Variants in DRC3 observed in about 807,000 individuals in gnomAD.
DRC3 encodes the protein leucine rich repeat containing 48.
In DRC3, 45 loss-of-function variants were observed where a neutral mutation model predicts 57.6. The observed-to-expected ratio is 0.78, with a 90% confidence interval of 0.62 to 1.00. The LOEUF (loss-of-function observed/expected upper bound fraction) is 1.00. DRC3 is among the 50% of genes least tolerant of loss of function. DRC3 has a pLI of 0.00. For synonymous variants in DRC3, 257 were observed against 272.3 expected (o/e 0.94, Z 0.55); for missense variants, 655 against 675.2 (o/e 0.97, Z 0.33).
intron 3 of DRC3, among the ~76,000 whole-genome samples, chr17:17,979,475 G>A (rs954132159): frequency 1.3e-5 from 2 of 152,240 alleles, no homozygotes; most frequent in African/African-American, 4.8e-5. Context: ...CCACAGGCCT[G>A]GCCGAGGTGG....
rs78467765 is a variant in DRC3, at chr17:18,016,025, T to C, written c.1327-39T>C. 219 of 1,608,862 alleles carry C rather than the reference T, an allele frequency of 1.4e-4. 1 individual carries two copies. In the East Asian group the frequency reaches 3.1e-3, roughly 23 times the overall value. ...AGCTCCCTTTGTGTTCACGGTATAA[T>C]GACACACACTTTCTCATTGGATTCT... On this transcript the variant is annotated intron_variant, in intron 12 of 13. Transcript: ENST00000399187.
intron 9 of DRC3, among the ~76,000 whole-genome samples, chr17:17,997,915 C>A (rs1402341254): frequency 1.3e-5 from 2 of 152,178 alleles, no homozygotes; most frequent in Non-Finnish European, 2.9e-5. Flanking sequence ...GGCCCTACCC[C>A]CCAACTTATC....
chr17:18,011,352 T>C (rs2044161306), intron 12 of DRC3: 1 of 345,070 alleles, frequency 2.9e-6, no homozygotes, highest in Non-Finnish European at 5.6e-6. Flanking sequence ...GGGATTACAA[T>C]GGCCGTGTCA....
At chr17:17,999,212 G>C (rs541096397) in intron 9 of DRC3, among the ~76,000 whole-genome samples, 2 of 152,200 alleles carry the variant, frequency 1.3e-5, no homozygotes, top group Non-Finnish European at 2.9e-5. Flanking sequence ...CCTCCGTTCA[G>C]GCACCTGCCT....
At chr17:18,004,132 CT>C (rs2043858955) in intron 9 of DRC3, among the ~76,000 whole-genome samples, 2 of 152,098 alleles carry the variant, frequency 1.3e-5, no homozygotes, top group Admixed American at 1.3e-4. Flanking sequence ...TGTTCTCTCA[CT>C]TGTGTCAAGG....
chr17:18,002,914 A>G (rs938689725), intron 9 of DRC3, among the ~76,000 whole-genome samples: 1 of 152,206 alleles, frequency 6.6e-6, no homozygotes, highest in Non-Finnish European at 1.5e-5. Context: ...TTAAACTGAC[A>G]TAAGACAAAC....
At chr17:17,994,697 ACCCTTAAGG>A (rs1209798418) in intron 7 of DRC3, among the ~76,000 whole-genome samples, 1 of 151,912 alleles carries the variant, frequency 6.6e-6, no homozygotes. Context: ...GCCCCTTAAG[ACCCTTAAGG>A]CAGTTCCCCA....
chr17:17,997,656 G>A (rs1278492202), intron 9 of DRC3, 22 bp downstream of exon 9: 1 of 1,567,372 alleles, frequency 6.4e-7, no homozygotes, highest in South Asian at 1.2e-5. Flanking sequence ...GCCTCCTGAG[G>A]CCCTCCCTGT....
In DRC3 at chr17:18,016,768, T is replaced by C; in HGVS notation, c.*97T>C. ...CTCACCCGCACCTCTAGAGAGTTGC[T>C]GGGCATCTCTCAACCGCGATCCCCA... On this transcript the variant is annotated 3_prime_UTR_variant, in exon 14 of 14. Transcript: ENST00000399187. 1.5e-6 allele frequency: 1 copy of C among 675,678 alleles called. No homozygotes were observed. 41.9% of individuals were successfully genotyped at this position (675,678 alleles called of 1,614,324 possible).
rs753959068 is a variant in DRC3 at position 17,977,727 on chromosome 17, G to C, written c.129G>C (p.Lys43Asn). The change falls in exon 3 of 14, where the codon AAG (lysine) becomes AAC (asparagine). Residue 43 changes from lysine to asparagine, a missense_variant. Physicochemically the swap from Lys to Asn is moderately conservative, Grantham distance 94. Coordinates refer to ENST00000399187, the MANE Select transcript of DRC3 (RefSeq NM_031294.4). Reference protein sequence around the residue: ...QLAKQEGILFKDVLSLQLDFR... With the variant: ...QLAKQEGILFNDVLSLQLDFR... The stretch of plus-strand genomic sequence containing the variant: ...CCAAGCAGGAGGGCATCCTCTTCAA[G>C]GATGTCCTGTCCCTGCAGCTGGACT... The C allele has an allele frequency of 7.4e-6, 12 of 1,612,080 alleles. No individual in the cohort carries two copies. The highest frequency in any genetic ancestry group is 1.0e-5 in the Non-Finnish European group (12 of 1,178,946).
chr17:18,008,072 GC>G lies in DRC3; in HGVS notation c.1326+928del, dbSNP rs1366081679. On this transcript the variant is annotated intron_variant, in intron 12 of 13. Coordinates refer to ENST00000399187, the MANE Select transcript of DRC3 (RefSeq NM_031294.4). This position sits in a 1 kb window ranked among gnomAD's most constrained non-coding sequence, Gnocchi z 4.3. ...TCCCCCAGACCCTCGGGCTGACCCT[GC>G]CCATCTGGGCGATTCCCACCCCCAG... The G allele has an allele frequency of 1.3e-5, 2 of 157,438 alleles. No homozygotes were observed. The highest frequency in any genetic ancestry group is 4.8e-5 in the African/African-American group (2 of 41,532). 9.8% of individuals were successfully genotyped at this position (157,438 alleles called of 1,614,324 possible).
At chr17:17,975,633 T>C (rs2042352441) in intron 2 of DRC3, among the ~76,000 whole-genome samples, 1 of 150,890 alleles carries the variant, frequency 6.6e-6, no homozygotes, top group Non-Finnish European at 1.5e-5. Context: ...GGGGAAGCCA[T>C]TGCATAAGAG....
At chr17:17,984,647 C>T (rs2042875421) in intron 4 of DRC3, among the ~76,000 whole-genome samples, 1 of 152,130 alleles carries the variant, frequency 6.6e-6, no homozygotes, top group African/African-American at 2.4e-5. Context: ...CTGTTATAAT[C>T]CCAATCTACA....
chr17:18,007,481 T>C (rs1464236795), intron 12 of DRC3: 3 of 1,550,842 alleles, frequency 1.9e-6, no homozygotes, highest in Admixed American at 2.0e-5. Context: ...AAGTCTGAGA[T>C]TTCCCCTGGA....
intron 4 of DRC3, among the ~76,000 whole-genome samples, chr17:17,986,711 G>A (rs944908628): frequency 7.9e-5 from 12 of 151,990 alleles, no homozygotes; most frequent in Non-Finnish European, 1.3e-4. Context: ...TGATCCCCCC[G>A]CCTCGGCCTC....
chr17:17,977,498 C>T, intron 2 of DRC3, 84 bp from the exon 3 acceptor site: 2 of 1,520,270 alleles, frequency 1.3e-6, no homozygotes, highest in Non-Finnish European at 1.8e-6. Flanking sequence ...GGCCACAAGA[C>T]ACTACAGGGG....
At chr17:17,988,469 C>T (rs1343260433) in intron 5 of DRC3, 4 of 190,200 alleles carry the variant, frequency 2.1e-5, no homozygotes, top group Non-Finnish European at 4.4e-5. Context: ...CAGCACACAC[C>T]CCCATAGTCA....
At position 17,993,000 on chromosome 17, in the gene DRC3, T is replaced by C. The variant is rs902785087; in HGVS notation, c.591+89T>C. On this transcript the variant is annotated intron_variant, in intron 6 of 13. Transcript: ENST00000399187. ...TGGAAAAGGGGCATTGAAGAGTAGC[T>C]TCCCCTGCCCACAACTAGGAGAGAA... The C allele has an allele frequency of 7.8e-6, 11 of 1,418,282 alleles. No homozygotes were observed. The African/African-American group carries it at 1.4e-4, about 18-fold the overall frequency. The allele number at this position is 1,418,282 out of a possible 1,614,324, so 87.9% of individuals were successfully genotyped here.
At chr17:17,995,497 A>C in intron 8 of DRC3, 2 of 177,316 alleles carry the variant, frequency 1.1e-5, no homozygotes, top group African/African-American at 2.4e-5. Flanking sequence ...ACCATCATTA[A>C]CCCCATTTTA....
Sources: allele counts gnomAD v4.1 joint callset (sites outside exome capture counted in the v4.1 genomes callset), GRCh38; gene constraint gnomAD v4.1.1; non-coding constraint Gnocchi (gnomAD v3.1); transcripts MANE v1.5; gene names NCBI Gene and HGNC (gene_info 2026-07-23, HGNC 2026-07-21).